The following DTWD2 variants were observed in gnomAD, a reference collection of about 807,000 sequenced individuals.
DTWD2 encodes the protein tRNA-uridine aminocarboxypropyltransferase 2.
A neutral mutation model predicts 31.8 loss-of-function variants in DTWD2; 39 were observed. The ratio of observed to expected loss-of-function variants is 1.22; its 90% CI spans 0.95 to 1.60. DTWD2 has a LOEUF of 1.60. DTWD2 is among the 40% of genes most tolerant of loss of function. The pLI is 0.00. For synonymous variants in DTWD2, 180 were observed against 142.8 expected (o/e 1.26, Z -1.86); for missense variants, 515 against 381.5 (o/e 1.35, Z -2.92).
rs1421289483 is a variant in DTWD2, at chr5:118,988,322, C to G, written c.190G>C (p.Glu64Gln). 1.3e-6 allele frequency: 2 copies of G among 1,535,654 alleles called. No homozygotes were observed. Among genetic ancestry groups the G allele is most frequent in the South Asian group, 1.2e-5 (1 of 82,584 alleles). Reference protein sequence around the residue: ...GLWELPVEPAERRPECTRCSR... With the variant: ...GLWELPVEPAQRRPECTRCSR... Reference sequence around the variant, plus strand: ...CAGCGGGTGCACTCAGGCCTCCGCTCGGCCGGCTCCACCGGCAGCTCCCAC... The same window carrying G: ...CAGCGGGTGCACTCAGGCCTCCGCTGGGCCGGCTCCACCGGCAGCTCCCAC... The change falls in exon 1 of 6, where the codon GAG becomes CAG. Residue 64 changes from glutamate (E) to glutamine (Q), a missense_variant. By Grantham distance (29) the Glu-to-Gln change is conservative (BLOSUM62 2). Coordinates refer to ENST00000510708, the MANE Select transcript of DTWD2 (RefSeq NM_173666.4).
chr5:118,968,812 G>C (rs571304460), intron 1 of DTWD2, among the ~76,000 whole-genome samples: 1 of 152,180 alleles, frequency 6.6e-6, no homozygotes, highest in Non-Finnish European at 1.5e-5. Context: ...TGAATCCAGG[G>C]GGCCAAGCAG....
At chr5:118,923,856 T>A (rs990718362) in intron 4 of DTWD2, among the ~76,000 whole-genome samples, 1 of 152,204 alleles carries the variant, frequency 6.6e-6, no homozygotes, top group African/African-American at 2.4e-5. Context: ...CTGACTCTGA[T>A]AGAAGTTTTG....
intron 4 of DTWD2, among the ~76,000 whole-genome samples, chr5:118,861,954 G>A (rs1752269482): frequency 6.6e-6 from 1 of 152,144 alleles, no homozygotes; most frequent in Non-Finnish European, 1.5e-5. Flanking sequence ...AACAGTAAAG[G>A]GGCTAAGCCA....
intron 4 of DTWD2, among the ~76,000 whole-genome samples, chr5:118,871,190 T>C (rs1236230208): frequency 1.3e-5 from 2 of 152,204 alleles, no homozygotes; most frequent in Non-Finnish European, 2.9e-5. Context: ...TTTGCATCTT[T>C]AGGTTCCACT....
intron 1 of DTWD2, among the ~76,000 whole-genome samples, chr5:118,959,041 G>A (rs1012235603): frequency 6.6e-5 from 10 of 152,148 alleles, no homozygotes; most frequent in Non-Finnish European, 1.3e-4. Flanking sequence ...ACTGGAACAT[G>A]ACAAGTCTGC....
chr5:118,911,408 G>C (rs933827948), intron 4 of DTWD2, among the ~76,000 whole-genome samples: 2 of 152,140 alleles, frequency 1.3e-5, no homozygotes, highest in African/African-American at 4.8e-5. Flanking sequence ...ACTGTTGGTG[G>C]GAAAGTAAAT....
intron 4 of DTWD2, among the ~76,000 whole-genome samples, chr5:118,871,741 ATTT>A (rs1359956226): frequency 6.6e-6 from 1 of 152,164 alleles, no homozygotes; most frequent in Non-Finnish European, 1.5e-5. Flanking sequence ...ATTTTGCATG[ATTT>A]TTAAGGACCT....
Position 118,888,662 on chromosome 5 carries a change from C to G in DTWD2, c.597+39875G>C, listed in dbSNP as rs549608267. Among the ~76,000 whole-genome samples the G allele has an allele frequency of 2.0e-5, 3 of 152,298 alleles. No individual in the cohort carries two copies. The South Asian group carries it at 6.2e-4, about 32-fold the overall frequency. On this transcript the variant is annotated intron_variant, in intron 4 of 5. Coordinates refer to ENST00000510708, the MANE Select transcript of DTWD2 (RefSeq NM_173666.4). ...GATCACATGTTACCTGCATATTTAA[C>G]TTTTCAAGAAACTGCCAAAATACGT...
intron 1 of DTWD2, among the ~76,000 whole-genome samples, chr5:118,983,969 G>A (rs1348411297): frequency 6.6e-6 from 1 of 152,116 alleles, no homozygotes; most frequent in East Asian, 1.9e-4. Flanking sequence ...GACCAACAGG[G>A]CAGAAAACCT....
intron 1 of DTWD2, among the ~76,000 whole-genome samples, chr5:118,983,855 A>C (rs1755362152): frequency 6.6e-6 from 1 of 152,350 alleles, no homozygotes; most frequent in East Asian, 1.9e-4. Flanking sequence ...CTCATCATTT[A>C]AAAGCAAACA....
chr5:118,846,758 G>C (rs1019568036), intron 5 of DTWD2, among the ~76,000 whole-genome samples: 5 of 152,118 alleles, frequency 3.3e-5, no homozygotes, highest in Admixed American at 1.3e-4. Context: ...TTTATGGCTA[G>C]GGACATGGGA....
chr5:118,960,015 A>C (rs897511366), intron 1 of DTWD2, among the ~76,000 whole-genome samples: 1 of 152,170 alleles, frequency 6.6e-6, no homozygotes, highest in Admixed American at 6.5e-5. Flanking sequence ...AGAAAACACC[A>C]CTATAGACTA....
rs1751615020 is a variant in DTWD2, at chr5:118,838,112, C to T, written c.*2805G>A. 6.6e-6 allele frequency: 1 copy of T among 152,144 alleles called. No individual in the cohort carries two copies. The highest frequency in any genetic ancestry group is 6.5e-5 in the Admixed American group (1 of 15,270). 9.4% of individuals were successfully genotyped at this position (152,144 alleles called of 1,614,324 possible). On this transcript the variant is annotated 3_prime_UTR_variant, in exon 6 of 6. Transcript: ENST00000510708. The stretch of plus-strand genomic sequence containing the variant: ...TTATAATCCAACCTGTAGAAAGTTG[C>T]CATGCACTGTGACTTACTACTTTGT...
intron 1 of DTWD2, among the ~76,000 whole-genome samples, chr5:118,945,774 AAAAG>A (rs56103316): frequency 0.48 from 63,351 of 132,806 alleles, 14,983 homozygotes; most frequent in East Asian, 0.72. Context: ...CAAAAAAAAA[AAAAG>A]AAAGAAAGAA....
intron 1 of DTWD2, among the ~76,000 whole-genome samples, chr5:118,977,145 T>C (rs183672207): frequency 3.3e-5 from 5 of 152,326 alleles, no homozygotes; most frequent in Admixed American, 2.6e-4. Context: ...CACCCTTTCA[T>C]GCTAAAACTC....
At chr5:118,983,460 C>A (rs1194923348) in intron 1 of DTWD2, among the ~76,000 whole-genome samples, 1 of 152,082 alleles carries the variant, frequency 6.6e-6, no homozygotes, top group African/African-American at 2.4e-5. Context: ...GTGGCTCGTG[C>A]ATTCTTCTTA....
chr5:118,843,511 CTA>C (rs1751776505), intron 5 of DTWD2, among the ~76,000 whole-genome samples: 1 of 152,166 alleles, frequency 6.6e-6, no homozygotes, highest in African/African-American at 2.4e-5. Context: ...GCTAAAATAA[CTA>C]TATATGACTT....
intron 4 of DTWD2, among the ~76,000 whole-genome samples, chr5:118,852,905 C>G (rs1005510614): frequency 3.3e-5 from 5 of 152,034 alleles, no homozygotes; most frequent in Non-Finnish European, 7.4e-5. Context: ...GAAATCATGT[C>G]CTTTGCAGCA....
At chr5:118,917,404 C>A (rs751427202) in intron 4 of DTWD2, among the ~76,000 whole-genome samples, 1 of 152,084 alleles carries the variant, frequency 6.6e-6, no homozygotes, top group Non-Finnish European at 1.5e-5. Context: ...ACTCTTAGGT[C>A]ATAGTAAGGA....
Sources: allele counts gnomAD v4.1 joint callset (sites outside exome capture counted in the v4.1 genomes callset), GRCh38; gene constraint gnomAD v4.1.1; transcripts MANE v1.5; gene names NCBI Gene and HGNC (gene_info 2026-07-23, HGNC 2026-07-21).